Variants in TECRL observed in about 807,000 individuals in gnomAD.
TECRL encodes trans-2,3-enoyl-CoA reductase like.
In TECRL, 63 loss-of-function variants were observed where a neutral mutation model predicts 52.8. That is an observed-to-expected ratio of 1.19 (90% CI 0.97 to 1.47). The LOEUF (loss-of-function observed/expected upper bound fraction) is 1.47, where lower values mean the gene tolerates loss of function less well. Among genes scored for constraint, TECRL ranks in the 40% most tolerant of loss-of-function variants. The probability of loss-of-function intolerance (pLI) is 0.00; values close to 1 mark genes in which losing one functional copy is unlikely to be tolerated. For synonymous variants in TECRL, 164 were observed against 141.9 expected (o/e 1.16, Z -1.10); for missense variants, 482 against 429.6 (o/e 1.12, Z -1.08).
At chr4:64,315,351 G>A (rs932846499) in intron 4 of TECRL, among the ~76,000 whole-genome samples, 2 of 151,918 alleles carry the variant, frequency 1.3e-5, no homozygotes, top group Admixed American at 6.6e-5. Context: ...AACCATATTT[G>A]AACTATAGAG....
intron 9 of TECRL, among the ~76,000 whole-genome samples, chr4:64,283,669 A>G (rs1362568045): frequency 6.6e-6 from 1 of 152,112 alleles, no homozygotes; most frequent in East Asian, 1.9e-4. Context: ...AGAGGGCAGA[A>G]AAAGCTAAGG....
chr4:64,322,453 TAAAAAAA>T lies in TECRL; in HGVS notation c.435+229_435+235del, dbSNP rs77102922. On this transcript the variant is annotated intron_variant, in intron 4 of 11. Coordinates refer to ENST00000381210, the MANE Select transcript of TECRL (RefSeq NM_001010874.5). ...TCCCAGTAATAGAGTGGGTTGACTT[TAAAAAAA>T]AAAAAAAAAAAAAAAGGAACTTATC... Among the ~76,000 whole-genome samples, 75 of 114,622 alleles carry T rather than the reference TAAAAAAA, an allele frequency of 6.5e-4. No homozygotes were observed. The South Asian group carries it at 0.014, about 22-fold the overall frequency. 75.2% of individuals were successfully genotyped at this position (114,622 alleles called of 152,430 possible). A position where few individuals can be genotyped will look rare whatever the true frequency, so the allele number is the denominator to read the frequency against.
intron 2 of TECRL, among the ~76,000 whole-genome samples, chr4:64,369,851 ATGT>A (rs1345238950): frequency 6.6e-6 from 1 of 151,990 alleles, no homozygotes; most frequent in Non-Finnish European, 1.5e-5. Flanking sequence ...AGTATTATAA[ATGT>A]TAATGCAAAG....
Position 64,309,817 on chromosome 4 carries a change from C to T in TECRL, c.657+9G>A. On this transcript the variant is annotated intron_variant, in intron 6 of 11. Coordinates refer to ENST00000381210, the MANE Select transcript of TECRL (RefSeq NM_001010874.5). ...CTCAATCATTATTAAAAACACAAAG[C>T]ATCCTCACCATTATCAAATTTTTCA... The T allele has an allele frequency of 6.5e-7, 1 of 1,530,408 alleles. No homozygotes were observed. 94.8% of individuals were successfully genotyped at this position (1,530,408 alleles called of 1,614,324 possible). A position where few individuals can be genotyped will look rare whatever the true frequency, so the allele number is the denominator to read the frequency against.
intron 2 of TECRL, among the ~76,000 whole-genome samples, chr4:64,361,857 C>A (rs1721225593): frequency 6.6e-6 from 1 of 152,088 alleles, no homozygotes; most frequent in Non-Finnish European, 1.5e-5. Flanking sequence ...TAGTTCTTAA[C>A]CAAGTAAATG....
At chr4:64,359,297 T>A (rs2109606270) in intron 2 of TECRL, among the ~76,000 whole-genome samples, 1 of 152,040 alleles carries the variant, frequency 6.6e-6, no homozygotes, top group Admixed American at 6.6e-5. Context: ...AAAATTCTTA[T>A]TATTGAGAAC....
chr4:64,397,289 C>G (rs141479195), intron 1 of TECRL, among the ~76,000 whole-genome samples: 2 of 151,986 alleles, frequency 1.3e-5, no homozygotes, highest in Non-Finnish European at 2.9e-5. Context: ...TAATACCACA[C>G]TCTAAATTTT....
At chr4:64,339,269 TC>T (rs1719364601) in intron 2 of TECRL, among the ~76,000 whole-genome samples, 1 of 109,762 alleles carries the variant, frequency 9.1e-6, no homozygotes, top group Non-Finnish European at 1.7e-5. Flanking sequence ...AACATCACAC[TC>T]TGGGGCCTGT....
chr4:64,389,866 G>T (rs1210031640), intron 1 of TECRL, among the ~76,000 whole-genome samples: 1 of 151,832 alleles, frequency 6.6e-6, no homozygotes, highest in Non-Finnish European at 1.5e-5. Flanking sequence ...GCAAATATTT[G>T]TTCTATCCCT....
chr4:64,409,247 A>C lies in TECRL; in HGVS notation c.105T>G (p.Phe35Leu). The C allele has an allele frequency of 1.9e-6, 3 of 1,613,930 alleles. No individual in the cohort carries two copies. The highest frequency in any genetic ancestry group is 2.5e-6 in the Non-Finnish European group (3 of 1,179,862). ...ILKDDMRNFHFLSKLVLSAGP... is the reference protein window; with the variant it reads ...ILKDDMRNFHLLSKLVLSAGP... ...CCGCTGAGAGTACAAGTTTTGACAAAAAGTGAAAATTTCTCATATCATCCT... is the reference window on the plus strand; with the variant it reads ...CCGCTGAGAGTACAAGTTTTGACAACAAGTGAAAATTTCTCATATCATCCT... Residue 35 changes from phenylalanine to leucine, a missense_variant, in exon 1 of 12, where the codon TTT becomes TTG. Phe to Leu is a conservative substitution (Grantham distance 22, BLOSUM62 0). Transcript: ENST00000381210.
intron 1 of TECRL, among the ~76,000 whole-genome samples, chr4:64,379,061 T>C (rs931467541): frequency 4.6e-5 from 7 of 152,066 alleles, no homozygotes; most frequent in African/African-American, 1.7e-4. Flanking sequence ...CCGTTTCTAT[T>C]GAAAAAAATG....
chr4:64,303,624 A>C (rs1452381804), intron 7 of TECRL, among the ~76,000 whole-genome samples: 1 of 151,854 alleles, frequency 6.6e-6, no homozygotes, highest in Non-Finnish European at 1.5e-5. Context: ...TATAATTTTC[A>C]TGAGGATTCA....
intron 2 of TECRL, among the ~76,000 whole-genome samples, chr4:64,347,971 G>C (rs1205960995): frequency 1.3e-5 from 2 of 152,142 alleles, no homozygotes; most frequent in African/African-American, 4.8e-5. Flanking sequence ...ACATCTTCCT[G>C]TCTTCTTCTG....
chr4:64,322,808 C>A lies in TECRL; in HGVS notation c.332-16G>T. ...AAAGGCCCGCCTAAAATAAAAATAA[C>A]AAGAAAATTTTATTTTAATACAATT... On this transcript the variant is annotated splice_polypyrimidine_tract_variant and intron_variant, in intron 3 of 11. Transcript: ENST00000381210. 1 of 1,560,628 alleles carries A rather than the reference C, an allele frequency of 6.4e-7. No homozygotes were observed. Among genetic ancestry groups the A allele is most frequent in the Non-Finnish European group, 8.7e-7 (1 of 1,149,726 alleles).
At chr4:64,386,687 A>G (rs1378080614) in intron 1 of TECRL, among the ~76,000 whole-genome samples, 4 of 152,222 alleles carry the variant, frequency 2.6e-5, no homozygotes, top group African/African-American at 9.6e-5. Context: ...ATTAAGAATT[A>G]CTATTTCAAG....
chr4:64,325,118 G>T (rs995540221), intron 3 of TECRL, among the ~76,000 whole-genome samples: 1 of 152,132 alleles, frequency 6.6e-6, no homozygotes, highest in Non-Finnish European at 1.5e-5. Context: ...GAAGGTCAAC[G>T]TCAAGGATAC....
rs566140687 is a variant in TECRL at position 64,292,545 on chromosome 4, A to G, written c.775-2778T>C. 3.3e-4 allele frequency among the ~76,000 whole-genome samples: 50 copies of G among 152,146 alleles called. 1 individual carries two copies. Among genetic ancestry groups the G allele is most frequent in the African/African-American group, 1.2e-3 (50 of 41,578 alleles). On this transcript the variant is annotated intron_variant, in intron 8 of 11. Coordinates refer to ENST00000381210, the MANE Select transcript of TECRL (RefSeq NM_001010874.5). The stretch of plus-strand genomic sequence containing the variant: ...ATGTAAGAAGCAGCATCATTTTCCT[A>G]CATTATTATAGTATAACAAATTAAG...
downstream of TECRL, chr4:64,277,117 G>C: frequency 2.6e-6 from 3 of 1,134,216 alleles, no homozygotes; most frequent in Non-Finnish European, 1.2e-6. Flanking sequence ...CTTTAACTAA[G>C]GTATGTCTGC....
chr4:64,407,273 C>T (rs1724796496), intron 1 of TECRL, among the ~76,000 whole-genome samples: 2 of 152,050 alleles, frequency 1.3e-5, no homozygotes, highest in Admixed American at 1.3e-4. Context: ...AATGTCAGGA[C>T]TCTCATAGTT....
Sources: gnomAD v4.1 joint callset for allele counts (sites outside exome capture counted in the v4.1 genomes callset) on GRCh38, gnomAD v4.1.1 for gene constraint, MANE v1.5 for transcripts, NCBI Gene and HGNC (gene_info 2026-07-23, HGNC 2026-07-21) for gene names.